The following ACVR1B variants were observed in gnomAD, a reference collection of about 807,000 sequenced individuals.
ACVR1B encodes the protein activin receptor type-1B.
Under a neutral mutation model 55.6 loss-of-function variants are expected in ACVR1B, and 15 were observed. The ratio of observed to expected loss-of-function variants is 0.27; its 90% CI spans 0.18 to 0.42. The LOEUF (loss-of-function observed/expected upper bound fraction) is 0.42. Ranked by LOEUF, ACVR1B falls within the 10% of genes least tolerant of loss-of-function variation. ACVR1B has a pLI of 1.00. For synonymous variants in ACVR1B, 247 were observed against 254.6 expected (o/e 0.97, Z 0.28); for missense variants, 359 against 670.1 (o/e 0.54, Z 5.13).
At chr12:51,959,908 T>C (rs979151331) in intron 1 of ACVR1B, 1 of 151,216 alleles carries the variant, frequency 6.6e-6, no homozygotes, top group African/African-American at 2.4e-5. Flanking sequence ...TTGAAGTATT[T>C]TCTGGGTTTT....
intron 1 of ACVR1B, among the ~76,000 whole-genome samples, chr12:51,961,116 C>T (rs949664695): frequency 1.3e-5 from 2 of 152,158 alleles, no homozygotes; most frequent in Non-Finnish European, 2.9e-5. Context: ...TTCTCCCGGT[C>T]AGTGATTCCA....
At position 51,962,326 on chromosome 12, in the gene ACVR1B, A is replaced by AT. The variant is rs201036129; in HGVS notation, c.91+10500dup. Among the ~76,000 whole-genome samples, 5 of 151,556 alleles carry AT rather than the reference A, an allele frequency of 3.3e-5. 1 individual carries two copies. The highest frequency in any genetic ancestry group is 2.6e-4 in the Admixed American group (4 of 15,230). ...TAGCTTCCTTTATTAAGTCAGTTAT[A>AT]TTTTTTTTCATAAGTACTTTTTACC... On this transcript the variant is annotated intron_variant, in intron 1 of 8. Transcript: ENST00000257963.
Position 51,978,490 on chromosome 12 carries a change from A to G in ACVR1B, c.580+1915A>G, listed in dbSNP as rs574025498. On this transcript the variant is annotated intron_variant, in intron 3 of 8. Transcript: ENST00000257963. ...TGACTTTCAATTCATTTAAATAAGTATATACTGAATACCTTCTGGGTGATA... is the reference window on the plus strand; with the variant it reads ...TGACTTTCAATTCATTTAAATAAGTGTATACTGAATACCTTCTGGGTGATA... 2.0e-5 allele frequency among the ~76,000 whole-genome samples: 3 copies of G among 152,294 alleles called. No individual in the cohort carries two copies. In the East Asian group the frequency reaches 5.8e-4, roughly 29 times the overall value.
At chr12:51,968,952 G>A (rs1941692512) in intron 1 of ACVR1B, among the ~76,000 whole-genome samples, 1 of 152,170 alleles carries the variant, frequency 6.6e-6, no homozygotes, top group Non-Finnish European at 1.5e-5. Context: ...AATGCTTTCT[G>A]GTCCGAACAT....
chr12:51,992,856 A>G (rs1185775597), intron 8 of ACVR1B, among the ~76,000 whole-genome samples: 4 of 152,178 alleles, frequency 2.6e-5, no homozygotes, highest in African/African-American at 9.7e-5. Context: ...TGACATGAGG[A>G]CATGTTTGTG....
At chr12:51,971,014 C>T (rs567546544) in intron 1 of ACVR1B, among the ~76,000 whole-genome samples, 1 of 152,134 alleles carries the variant, frequency 6.6e-6, no homozygotes, top group East Asian at 1.9e-4. Flanking sequence ...TCCCACACCC[C>T]TCCTGGTGAG....
chr12:51,955,668 G>A (rs1299316009), intron 1 of ACVR1B, among the ~76,000 whole-genome samples: 3 of 152,118 alleles, frequency 2.0e-5, no homozygotes, highest in African/African-American at 2.4e-5. Flanking sequence ...CTGGGATCTC[G>A]CCTGTTTGTC....
At chr12:51,993,865 G>A (rs1371757615) in intron 8 of ACVR1B, 120 bp from the exon 9 acceptor site, 2 of 1,291,576 alleles carry the variant, frequency 1.5e-6, no homozygotes, top group South Asian at 3.0e-5. Context: ...GCCGCCGGGT[G>A]GATGTGGATC....
In ACVR1B at chr12:51,996,393, C is replaced by T. The variant is rs1442233726; in HGVS notation, c.*2283C>T. On this transcript the variant is annotated 3_prime_UTR_variant, in exon 9 of 9. Coordinates refer to ENST00000257963, the MANE Select transcript of ACVR1B (RefSeq NM_004302.5). ...TTATTTGACTGATTATTGCTTCTTT[C>T]CTTGCATTAAAGGAGATCTTCCCCT... is the stretch of plus-strand genomic sequence containing the variant. 6.6e-6 allele frequency: 1 copy of T among 152,626 alleles called. No homozygotes were observed. Among genetic ancestry groups the T allele is most frequent in the African/African-American group, 2.4e-5 (1 of 41,432 alleles). 9.5% of individuals were successfully genotyped at this position (152,626 alleles called of 1,614,324 possible).
chr12:51,959,431 A>T (rs1941475348), intron 1 of ACVR1B, among the ~76,000 whole-genome samples: 2 of 152,240 alleles, frequency 1.3e-5, no homozygotes, highest in African/African-American at 4.8e-5. Context: ...GCTGACAGCT[A>T]GGAGGAACAT....
intron 6 of ACVR1B, among the ~76,000 whole-genome samples, 153 bp downstream of exon 6, chr12:51,985,501 C>T (rs892719025): frequency 6.6e-6 from 1 of 152,226 alleles, no homozygotes; most frequent in African/African-American, 2.4e-5. Flanking sequence ...CATGCACTCC[C>T]CACAATGGAA....
intron 1 of ACVR1B, among the ~76,000 whole-genome samples, chr12:51,971,946 T>A (rs1336602400): frequency 2.6e-5 from 4 of 152,238 alleles, no homozygotes; most frequent in Non-Finnish European, 5.9e-5. Flanking sequence ...TAGTTCCTGA[T>A]AGAGCTGAAA....
intron 7 of ACVR1B, among the ~76,000 whole-genome samples, chr12:51,989,840 C>T (rs947343316): frequency 2.0e-5 from 3 of 151,886 alleles, no homozygotes; most frequent in African/African-American, 7.3e-5. Context: ...AAAAAAATTG[C>T]CAGGTATGGT....
chr12:51,996,098 A>C lies in ACVR1B; in HGVS notation c.*1988A>C, dbSNP rs1942291245. On this transcript the variant is annotated 3_prime_UTR_variant, in exon 9 of 9. Transcript: ENST00000257963. ...TTTTGAGCCTAGAATTATTGTTCTTATATAAGATCACTGAAGAAAGAGGAA... is the reference window on the plus strand; with the variant it reads ...TTTTGAGCCTAGAATTATTGTTCTTCTATAAGATCACTGAAGAAAGAGGAA... 1 of 152,368 alleles carries C rather than the reference A, an allele frequency of 6.6e-6. No individual in the cohort carries two copies. Among genetic ancestry groups the C allele is most frequent in the Non-Finnish European group, 1.5e-5 (1 of 68,184 alleles). 9.4% of individuals were successfully genotyped at this position (152,368 alleles called of 1,614,324 possible).
chr12:51,980,348 G>A (rs1435029453), intron 3 of ACVR1B, among the ~76,000 whole-genome samples: 1 of 152,184 alleles, frequency 6.6e-6, no homozygotes, highest in East Asian at 1.9e-4. Context: ...GATATATAGA[G>A]ATACATTGAA....
At chr12:51,981,848 CAA>C (rs11321510) in intron 4 of ACVR1B, among the ~76,000 whole-genome samples, 35 of 128,164 alleles carry the variant, frequency 2.7e-4, no homozygotes, top group African/African-American at 5.7e-4. Context: ...GACTCCGTCT[CAA>C]AAAAAAAAAA....
chr12:51,983,884 A>G, intron 4 of ACVR1B, 115 bp from the exon 5 acceptor site: 2 of 1,041,622 alleles, frequency 1.9e-6, no homozygotes, highest in Non-Finnish European at 2.9e-6. Flanking sequence ...GGAGGTGGGA[A>G]ATGTGAATTC....
At chr12:51,985,904 AGT>A (rs1337726968) in intron 6 of ACVR1B, among the ~76,000 whole-genome samples, 1 of 152,168 alleles carries the variant, frequency 6.6e-6, no homozygotes, top group Non-Finnish European at 1.5e-5. Context: ...CTTTTAATAG[AGT>A]GGAAGAGGTG....
At chr12:51,982,856 C>T (rs919564044) in intron 4 of ACVR1B, 1 of 1,446,198 alleles carries the variant, frequency 6.9e-7, no homozygotes, top group South Asian at 1.4e-5. Flanking sequence ...AAATTTAAAT[C>T]TTATATGTTT....
Sources: gnomAD v4.1 joint callset for allele counts (sites outside exome capture counted in the v4.1 genomes callset) on GRCh38, gnomAD v4.1.1 for gene constraint, MANE v1.5 for transcripts, NCBI Gene and HGNC (gene_info 2026-07-23, HGNC 2026-07-21) for gene names.